The following CFAP54 variants were observed in gnomAD, a reference collection of about 807,000 sequenced individuals.
CFAP54 encodes cilia and flagella associated protein 54.
In CFAP54, 290 loss-of-function variants were observed where a neutral mutation model predicts 370.4. The observed-to-expected ratio is 0.78, with a 90% confidence interval of 0.71 to 0.86. The LOEUF is 0.86. Ranked by LOEUF, CFAP54 falls within the 40% of genes least tolerant of loss-of-function variation. CFAP54 has a pLI of 0.00. For synonymous variants in CFAP54, 1,206 were observed against 1,236.5 expected (o/e 0.98, Z 0.52); for missense variants, 3,399 against 3,528.7 (o/e 0.96, Z 0.93).
chr12:96,495,290 TTC>T, intron 1 of CFAP54, among the ~76,000 whole-genome samples: 1 of 147,862 alleles, frequency 6.8e-6, no homozygotes, highest in African/African-American at 2.5e-5. Context: ...CCTTCCTTCC[TTC>T]TTTCCTTCCT....
chr12:96,743,637 A>G, intron 53 of CFAP54, 78 bp downstream of exon 53: 2 of 1,589,044 alleles, frequency 1.3e-6, no homozygotes, highest in Non-Finnish European at 1.7e-6. Flanking sequence ...TTCAAATTCC[A>G]CTAGGTACTG....
intron 24 of CFAP54, among the ~76,000 whole-genome samples, chr12:96,593,901 A>G (rs1956150056): frequency 6.6e-6 from 1 of 152,090 alleles, no homozygotes; most frequent in African/African-American, 2.4e-5. Flanking sequence ...CTTTCAAATC[A>G]AAAAAGGAAA....
intron 32 of CFAP54, among the ~76,000 whole-genome samples, chr12:96,632,338 T>G (rs2136477520): frequency 6.6e-6 from 1 of 152,134 alleles, no homozygotes; most frequent in East Asian, 1.9e-4. Flanking sequence ...GTTTTGGAAA[T>G]TCCTAATCTG....
intron 67 of CFAP54, among the ~76,000 whole-genome samples, chr12:96,864,120 A>G (rs1255469511): frequency 1.3e-5 from 2 of 152,220 alleles, no homozygotes; most frequent in African/African-American, 4.8e-5. Flanking sequence ...GTTTTTTTAA[A>G]GACCAAATTA....
Position 96,766,252 on chromosome 12 carries a change from A to AT in CFAP54, c.8281+1043dup, listed in dbSNP as rs921161980. Reference sequence around the variant, plus strand: ...AATTATTTTGCAAACTATTTTATAGATTTTTTTTTACGCTGAGGTTTTGTT... The same window carrying AT: ...AATTATTTTGCAAACTATTTTATAGATTTTTTTTTTACGCTGAGGTTTTGTT... On this transcript the variant is annotated intron_variant, in intron 60 of 67. Transcript: ENST00000524981. Among the ~76,000 whole-genome samples, 337 of 151,634 alleles carry AT rather than the reference A, an allele frequency of 2.2e-3. 1 individual carries two copies. The highest frequency in any genetic ancestry group is 5.4e-3 in the African/African-American group (223 of 41,346).
At chr12:96,806,126 G>A (rs1277194732) in intron 63 of CFAP54, among the ~76,000 whole-genome samples, 29 of 117,718 alleles carry the variant, frequency 2.5e-4, no homozygotes, top group Admixed American at 1.8e-3. Flanking sequence ...TAGGTGATGA[G>A]TACTCTAAAA....
chr12:96,798,881 C>T (rs1181668131), intron 63 of CFAP54, among the ~76,000 whole-genome samples: 1 of 152,132 alleles, frequency 6.6e-6, no homozygotes, highest in Non-Finnish European at 1.5e-5. Flanking sequence ...GATACTTTAG[C>T]TTTCAACATT....
chr12:96,775,867 T>A (rs1388934779), intron 60 of CFAP54, among the ~76,000 whole-genome samples: 3 of 152,232 alleles, frequency 2.0e-5, no homozygotes, highest in Non-Finnish European at 4.4e-5. Context: ...CTGCTACACA[T>A]TTTTGCATGT....
At chr12:96,623,135 G>A (rs1257064721) in intron 27 of CFAP54, among the ~76,000 whole-genome samples, 1 of 151,928 alleles carries the variant, frequency 6.6e-6, no homozygotes, top group Non-Finnish European at 1.5e-5. Context: ...TAATTTATAG[G>A]AGTCAGAAAT....
At chr12:96,548,200 C>T (rs1188040265) in intron 15 of CFAP54, among the ~76,000 whole-genome samples, 1 of 152,036 alleles carries the variant, frequency 6.6e-6, no homozygotes, top group Non-Finnish European at 1.5e-5. Context: ...TCCTCATATG[C>T]TAGCTTAAGA....
At position 96,544,871 on chromosome 12, in the gene CFAP54, TA is replaced by T. The variant is rs559552417; in HGVS notation, c.2078-3030del. On this transcript the variant is annotated intron_variant, in intron 14 of 67. Coordinates refer to ENST00000524981, the MANE Select transcript of CFAP54 (RefSeq NM_001306084.2). ...CTGAGGTGGCACAGAGCATCAGTGA[TA>T]GGGGGCTGAGGAAGCTATCAGGTAT... Among the ~76,000 whole-genome samples the T allele has an allele frequency of 5.1e-3, 777 of 151,184 alleles. 11 individuals carry two copies. The highest frequency in any genetic ancestry group is 0.018 in the African/African-American group (731 of 41,282).
chr12:96,495,792 CAA>C (rs1389174802), intron 1 of CFAP54, among the ~76,000 whole-genome samples: 1 of 151,620 alleles, frequency 6.6e-6, no homozygotes, highest in Non-Finnish European at 1.5e-5. Context: ...TAGGGTTCAA[CAA>C]AAAAAGAGAT....
chr12:96,850,216 TAAA>T (rs35493066), intron 66 of CFAP54, among the ~76,000 whole-genome samples: 15 of 101,116 alleles, frequency 1.5e-4, no homozygotes, highest in Admixed American at 2.1e-4. Context: ...CTGTCTCTAC[TAAA>T]AAAAAAAAAA....
chr12:96,490,432 C>T (rs148085494), intron 1 of CFAP54, among the ~76,000 whole-genome samples: 2 of 152,298 alleles, frequency 1.3e-5, no homozygotes, highest in East Asian at 1.9e-4. Context: ...ACCTGAGCTA[C>T]CTCGAAGTTA....
chr12:96,526,885 GTTTT>G (rs34080505), intron 8 of CFAP54, among the ~76,000 whole-genome samples: 230 of 97,674 alleles, frequency 2.4e-3, no homozygotes, highest in African/African-American at 8.5e-3. Context: ...CTTATAACAG[GTTTT>G]TTTTTTTTTT....
At chr12:96,760,309 A>T (rs1356312974) in intron 58 of CFAP54, among the ~76,000 whole-genome samples, 1 of 152,180 alleles carries the variant, frequency 6.6e-6, no homozygotes, top group African/African-American at 2.4e-5. Flanking sequence ...CCATGAAATT[A>T]ATGCATTTTA....
chr12:96,500,919 G>T lies in CFAP54; in HGVS notation c.403G>T (p.Asp135Tyr), dbSNP rs756929346. The change falls in exon 2 of 68, where the codon GAT (aspartate) becomes TAT (tyrosine). Residue 135 changes from aspartate to tyrosine, a missense_variant. Asp to Tyr is a radical substitution (Grantham distance 160). Around this residue, in one of 3 missense-constraint regions of CFAP54, gnomAD observed 559 missense variants for 576.7 expected, o/e 0.97. Transcript: ENST00000524981. ...YYNEKLLKVG[D>Y]SLCQMKEYKL... ...CAACGAAAAGCTTCTGAAGGTTGGA[G>T]ATAGCCTTTGTCAAATGAAAGTAAG... The T allele has an allele frequency of 2.0e-6, 3 of 1,534,824 alleles. No individual in the cohort carries two copies. The African/African-American group carries it at 4.1e-5, about 21-fold the overall frequency.
intron 63 of CFAP54, among the ~76,000 whole-genome samples, chr12:96,794,570 C>A (rs1958738171): frequency 6.6e-6 from 1 of 151,714 alleles, no homozygotes. Flanking sequence ...TTAAGTGTGT[C>A]CTTCATTTCC....
intron 15 of CFAP54, among the ~76,000 whole-genome samples, chr12:96,549,578 G>A (rs1565893249): frequency 2.0e-5 from 3 of 152,204 alleles, no homozygotes; most frequent in Non-Finnish European, 2.9e-5. Flanking sequence ...CATGGTTGAA[G>A]AGCATAGCAT....
Sources: gnomAD v4.1 joint callset for allele counts (sites outside exome capture counted in the v4.1 genomes callset) on GRCh38, gnomAD v4.1.1 for gene constraint, gnomAD v4.1.1 regional missense constraint, MANE v1.5 for transcripts, NCBI Gene and HGNC (gene_info 2026-07-23, HGNC 2026-07-21) for gene names.